Variants in ARNT2 observed in about 807,000 individuals in gnomAD.
The protein encoded by ARNT2 is aryl hydrocarbon receptor nuclear translocator 2.
Under a neutral mutation model 91.7 loss-of-function variants are expected in ARNT2, and 36 were observed. The observed-to-expected ratio is 0.39, with a 90% CI of 0.30 to 0.52. ARNT2 has a LOEUF of 0.52. Among genes scored for constraint, ARNT2 ranks in the 20% least tolerant of loss-of-function variants. ARNT2 has a pLI of 0.72. For missense variants in ARNT2, 775 were observed against 939.3 expected, an observed-to-expected ratio of 0.83 and a Z score of 2.29; for synonymous variants, 365 against 347.1, an observed-to-expected ratio of 1.05 and a Z score of -0.57.
At chr15:80,450,706 A>G (rs747239179) in intron 1 of ARNT2, among the ~76,000 whole-genome samples, 174 bp from the exon 2 acceptor site, 1 of 152,214 alleles carries the variant, frequency 6.6e-6, no homozygotes, top group Non-Finnish European at 1.5e-5. Context: ...CCTTTTCCAG[A>G]GAAAGAGGAA....
chr15:80,559,282 T>C (rs4778809), intron 11 of ARNT2, among the ~76,000 whole-genome samples: 21,081 of 152,198 alleles, frequency 0.14, 3,781 homozygotes, highest in African/African-American at 0.42. Context: ...ATTTCTCCAG[T>C]GGGATGGGAG....
At chr15:80,460,886 A>G (rs1454451389) in intron 3 of ARNT2, among the ~76,000 whole-genome samples, 2 of 152,298 alleles carry the variant, frequency 1.3e-5, no homozygotes, top group East Asian at 3.9e-4. Flanking sequence ...AGATGGGTCC[A>G]GAGGAGGAGG....
At chr15:80,504,807 G>T (rs1365192467) in intron 5 of ARNT2, among the ~76,000 whole-genome samples, 1 of 152,036 alleles carries the variant, frequency 6.6e-6, no homozygotes, top group Non-Finnish European at 1.5e-5. Flanking sequence ...AAAGGGAAGG[G>T]GATTGCTCAG....
intron 8 of ARNT2, among the ~76,000 whole-genome samples, chr15:80,519,999 C>CT (rs79950273): frequency 0.027 from 3,524 of 132,192 alleles, 67 homozygotes; most frequent in African/African-American, 0.052. Flanking sequence ...TGCCTGGCCG[C>CT]TTTTTTTTTT....
intron 8 of ARNT2, among the ~76,000 whole-genome samples, chr15:80,528,530 C>T (rs989867189): frequency 5.3e-5 from 8 of 152,088 alleles, no homozygotes; most frequent in Non-Finnish European, 1.0e-4. Flanking sequence ...TGCCCCACAA[C>T]CTCATGTTGA....
At chr15:80,463,581 T>C (rs1896595305) in intron 3 of ARNT2, among the ~76,000 whole-genome samples, 1 of 89,898 alleles carries the variant, frequency 1.1e-5, no homozygotes, top group Non-Finnish European at 2.8e-5. Flanking sequence ...TTTCCTTTTT[T>C]TTTTTTTTTT....
chr15:80,521,795 A>C (rs74027816), intron 8 of ARNT2, among the ~76,000 whole-genome samples: 2,671 of 152,264 alleles, frequency 0.018, 83 homozygotes, highest in African/African-American at 0.061. Flanking sequence ...AACTTAATAT[A>C]TATCATTGCC....
At chr15:80,534,345 A>G (rs1897787446) in intron 8 of ARNT2, among the ~76,000 whole-genome samples, 1 of 152,192 alleles carries the variant, frequency 6.6e-6, no homozygotes, top group South Asian at 2.1e-4. Flanking sequence ...TAAGAAAATG[A>G]TTACAAAAAT....
At chr15:80,547,673 T>A (rs1240492374) in intron 8 of ARNT2, among the ~76,000 whole-genome samples, 1 of 152,240 alleles carries the variant, frequency 6.6e-6, no homozygotes, top group Non-Finnish European at 1.5e-5. Flanking sequence ...TTGTTGTCAG[T>A]GGTAAAATTC....
At chr15:80,539,206 A>C (rs1055440587) in intron 8 of ARNT2, among the ~76,000 whole-genome samples, 37 of 152,268 alleles carry the variant, frequency 2.4e-4, no homozygotes, top group African/African-American at 8.9e-4. Context: ...TTTGAAACAA[A>C]AACCTACAAA....
At chr15:80,563,369 A>T (rs976103211) in intron 12 of ARNT2, 130 bp downstream of exon 12, 4 of 1,193,506 alleles carry the variant, frequency 3.4e-6, no homozygotes, top group Non-Finnish European at 4.8e-6. Context: ...TAGGATTAAG[A>T]ATAGAGGAGA....
intron 1 of ARNT2, among the ~76,000 whole-genome samples, chr15:80,429,915 G>A (rs1462044096): frequency 2.0e-5 from 3 of 152,108 alleles, no homozygotes; most frequent in Non-Finnish European, 4.4e-5. Flanking sequence ...AGAGACCCTG[G>A]CACCCCCACC....
At chr15:80,583,208 G>A (rs1363931160) in intron 17 of ARNT2, among the ~76,000 whole-genome samples, 1 of 152,242 alleles carries the variant, frequency 6.6e-6, no homozygotes, top group Admixed American at 6.5e-5. Flanking sequence ...GTGGCTGCAG[G>A]CCAGGACAGT....
At chr15:80,412,299 C>G (rs987039306) in intron 1 of ARNT2, among the ~76,000 whole-genome samples, 3 of 152,164 alleles carry the variant, frequency 2.0e-5, no homozygotes, top group African/African-American at 7.2e-5. Flanking sequence ...TGAGAACATA[C>G]AAAGCAGAGG....
chr15:80,543,954 T>A (rs1897951844), intron 8 of ARNT2, among the ~76,000 whole-genome samples: 1 of 152,100 alleles, frequency 6.6e-6, no homozygotes, highest in Non-Finnish European at 1.5e-5. Flanking sequence ...TTGGTCAGGC[T>A]GGTCTCAAAC....
chr15:80,461,046 G>A (rs1263156512), intron 3 of ARNT2, among the ~76,000 whole-genome samples: 1 of 152,180 alleles, frequency 6.6e-6, no homozygotes, highest in Non-Finnish European at 1.5e-5. Flanking sequence ...AGGAAATGGG[G>A]CTGTGTGCCG....
At chr15:80,505,837 C>T (rs1897264531) in intron 5 of ARNT2, among the ~76,000 whole-genome samples, 1 of 151,446 alleles carries the variant, frequency 6.6e-6, no homozygotes, top group Non-Finnish European at 1.5e-5. Context: ...TGTGAGATGT[C>T]AGTGAGATGC....
At chr15:80,442,953 G>C in intron 1 of ARNT2, 1 of 985,424 alleles carries the variant, frequency 1.0e-6, no homozygotes, top group Non-Finnish European at 1.2e-6. Flanking sequence ...CCTCCTTGCG[G>C]CTCCATCATT....
At chr15:80,461,815 T>A (rs902994779) in intron 3 of ARNT2, among the ~76,000 whole-genome samples, 1 of 152,170 alleles carries the variant, frequency 6.6e-6, no homozygotes, top group Non-Finnish European at 1.5e-5. Flanking sequence ...AGCCAGCCTT[T>A]CTTCCTGGGC....
Sources: allele counts gnomAD v4.1 joint callset (sites outside exome capture counted in the v4.1 genomes callset), GRCh38; gene constraint gnomAD v4.1.1; transcripts MANE v1.5; gene names NCBI Gene and HGNC (gene_info 2026-07-23, HGNC 2026-07-21).